CRYM: variants seen among roughly 807,000 people sequenced by gnomAD.
CRYM encodes the protein ketimine reductase mu-crystallin.
Under a neutral mutation model 32.9 loss-of-function variants are expected in CRYM, and 18 were observed. The observed-to-expected ratio is 0.55, with a 90% confidence interval of 0.38 to 0.81. The LOEUF (loss-of-function observed/expected upper bound fraction) is 0.81. Ranked by LOEUF, CRYM falls within the 30% of genes least tolerant of loss-of-function variation. CRYM has a pLI of 0.00. For synonymous variants in CRYM, 153 were observed against 152.4 expected (o/e 1.00, Z -0.03); for missense variants, 337 against 393.5 (o/e 0.86, Z 1.21).
chr16:21,283,980 A>G (rs903228931), intron 1 of CRYM: 1 of 152,222 alleles, frequency 6.6e-6, no homozygotes, highest in African/African-American at 2.4e-5. Flanking sequence ...AGTGCTCGGG[A>G]GCCCCGGCCA....
intron 7 of CRYM, among the ~76,000 whole-genome samples, chr16:21,259,076 CAGGGCTG>C (rs2152860889): frequency 6.6e-6 from 1 of 151,888 alleles, no homozygotes; most frequent in East Asian, 1.9e-4. Context: ...AAATCTAGCT[CAGGGCTG>C]AGCAAATTTT....
chr16:21,283,613 G>T (rs1207900378), intron 1 of CRYM: 2 of 150,762 alleles, frequency 1.3e-5, no homozygotes, highest in Non-Finnish European at 3.0e-5. Context: ...AACGGATGAA[G>T]TATCTCGGAA....
intron 1 of CRYM, among the ~76,000 whole-genome samples, chr16:21,293,731 G>A (rs1960721288): frequency 6.6e-6 from 1 of 152,084 alleles, no homozygotes; most frequent in South Asian, 2.1e-4. Context: ...CTTAGAAAAA[G>A]TTCTATTTGT....
chr16:21,274,167 C>T (rs1483098725), intron 3 of CRYM, among the ~76,000 whole-genome samples: 1 of 152,172 alleles, frequency 6.6e-6, no homozygotes, highest in African/African-American at 2.4e-5. Context: ...CAATCGTTCC[C>T]ACAGACACCC....
At chr16:21,287,700 T>C (rs868757391) in intron 1 of CRYM, among the ~76,000 whole-genome samples, 9 of 152,212 alleles carry the variant, frequency 5.9e-5, no homozygotes, top group African/African-American at 2.2e-4. Context: ...TCTGGAGAGC[T>C]TCTGGGTTGG....
chr16:21,276,955 A>G (rs1244609168), intron 2 of CRYM, among the ~76,000 whole-genome samples: 2 of 152,000 alleles, frequency 1.3e-5, no homozygotes, highest in Non-Finnish European at 2.9e-5. Context: ...CATTATAAAA[A>G]GTACTCCATA....
chr16:21,280,244 G>C (rs536434343), upstream of CRYM, among the ~76,000 whole-genome samples: 41 of 152,126 alleles, frequency 2.7e-4, no homozygotes, highest in Admixed American at 6.5e-4. Context: ...GCTGGGTGTG[G>C]TGGCGGGTGC....
At chr16:21,275,168 C>T (rs1305803025) in intron 3 of CRYM, among the ~76,000 whole-genome samples, 1 of 152,162 alleles carries the variant, frequency 6.6e-6, no homozygotes, top group Non-Finnish European at 1.5e-5. Context: ...TCCTGGAAGC[C>T]AGAGAGGTCA....
intron 1 of CRYM, among the ~76,000 whole-genome samples, chr16:21,286,242 G>C (rs897769929): frequency 6.7e-6 from 1 of 148,164 alleles, no homozygotes; most frequent in Non-Finnish European, 1.5e-5. Context: ...TTTTGAGACA[G>C]AGTCTCACTC....
intron 6 of CRYM, chr16:21,261,836 C>T (rs2093355021): frequency 1.7e-6 from 1 of 590,146 alleles, no homozygotes; most frequent in Non-Finnish European, 3.0e-6. Flanking sequence ...CAGGAACACA[C>T]ATGTCACCAC....
chr16:21,301,759 G>A (rs916475401), intron 1 of CRYM, among the ~76,000 whole-genome samples: 17 of 152,162 alleles, frequency 1.1e-4, no homozygotes, highest in Non-Finnish European at 2.1e-4. Flanking sequence ...CCGGGTCCGC[G>A]CGAGGGCCAG....
chr16:21,276,310 G>A (rs1318366797), intron 2 of CRYM, among the ~76,000 whole-genome samples: 3 of 152,096 alleles, frequency 2.0e-5, no homozygotes, highest in Non-Finnish European at 4.4e-5. Context: ...AAAGCCTTGG[G>A]TTCTACCCCC....
intron 1 of CRYM, among the ~76,000 whole-genome samples, chr16:21,296,339 ACAAT>A (rs1184262884): frequency 6.6e-6 from 1 of 152,266 alleles, no homozygotes; most frequent in East Asian, 1.9e-4. Context: ...AAATAGAAAA[ACAAT>A]CAAATGGAAA....
At chr16:21,275,897 A>AGGG (rs2093385190) in intron 2 of CRYM, among the ~76,000 whole-genome samples, 2 of 152,222 alleles carry the variant, frequency 1.3e-5, no homozygotes, top group African/African-American at 4.8e-5. Context: ...AGCCCTCAAG[A>AGGG]ACTGCCCATT....
intron 1 of CRYM, chr16:21,300,807 A>G (rs1366609822): frequency 6.6e-6 from 1 of 152,326 alleles, no homozygotes; most frequent in South Asian, 2.1e-4. Context: ...CCTGTGATCC[A>G]ATCAGAAGCT....
intron 1 of CRYM, among the ~76,000 whole-genome samples, chr16:21,284,544 G>C (rs143268804): frequency 5.3e-4 from 81 of 152,184 alleles, no homozygotes; most frequent in Admixed American, 4.3e-3. Context: ...GTAGGTTCTA[G>C]ACATTTCTTT....
chr16:21,276,769 TCTGAAGTCCAACCATG>T (rs1424200864), intron 2 of CRYM, among the ~76,000 whole-genome samples: 2 of 152,216 alleles, frequency 1.3e-5, no homozygotes, highest in Non-Finnish European at 2.9e-5. Flanking sequence ...ACTGAGCAGC[TCTGAAGTCCAACCATG>T]CTAATTGTTG....
In CRYM at chr16:21,277,529, A is replaced by C. The variant is rs759448503; in HGVS notation, c.226T>G (p.Leu76Val). ...SAAEDALTTK[L>V]VTFYEDRGIT... Reference sequence around the variant, plus strand: ...CCGCGGTCCTCGTAGAAGGTGACCAACTTGGTGGTCAGTGCATCCTCTGCA... The same window carrying C: ...CCGCGGTCCTCGTAGAAGGTGACCACCTTGGTGGTCAGTGCATCCTCTGCA... The change falls in exon 2 of 8, where the codon TTG (leucine) becomes GTG (valine). Residue 76 changes from leucine to valine, a missense_variant. Coordinates refer to ENST00000572914, the MANE Select transcript of CRYM (RefSeq NM_001376256.1). The surrounding 1 kb of genome is among the most constrained non-coding windows in gnomAD (Gnocchi z 4.2). The C allele has an allele frequency of 6.2e-7, 1 of 1,613,952 alleles. No individual in the cohort carries two copies. The highest frequency in any genetic ancestry group is 1.7e-4 in the Middle Eastern group (1 of 6,040).
At chr16:21,273,066 C>T (rs544983330) in intron 3 of CRYM, among the ~76,000 whole-genome samples, 9 of 151,982 alleles carry the variant, frequency 5.9e-5, no homozygotes, top group East Asian at 1.9e-4. Flanking sequence ...CCATGCTGAG[C>T]GCAGAACCTT....
Sources: gnomAD v4.1 joint callset for allele counts (sites outside exome capture counted in the v4.1 genomes callset) on GRCh38, gnomAD v4.1.1 for gene constraint, Gnocchi (gnomAD v3.1) non-coding constraint, MANE v1.5 for transcripts, NCBI Gene and HGNC (gene_info 2026-07-23, HGNC 2026-07-21) for gene names.